The following RPTOR variants were observed in gnomAD, a reference collection of about 807,000 sequenced individuals.
RPTOR encodes the protein regulatory-associated protein of mTOR.
In RPTOR, 21 loss-of-function variants were observed where a neutral mutation model predicts 169.9. The observed-to-expected ratio is 0.12, with a 90% confidence interval of 0.09 to 0.18. The LOEUF is 0.18. RPTOR is among the 10% of genes least tolerant of loss of function. The probability of loss-of-function intolerance (pLI) is 1.00; values close to 1 mark genes in which losing one functional copy is unlikely to be tolerated. For synonymous variants in RPTOR, 732 were observed against 753.2 expected (o/e 0.97, Z 0.46); for missense variants, 1,133 against 1,855.9 (o/e 0.61, Z 7.16).
chr17:80,923,602 G>A lies in RPTOR; in HGVS notation c.2737G>A (p.Gly913Arg), dbSNP rs764655156. 1.9e-6 allele frequency: 3 copies of A among 1,613,234 alleles called. No homozygotes were observed. The highest frequency in any genetic ancestry group is 2.5e-6 in the Non-Finnish European group (3 of 1,179,922). ...CCGGCCGGGCACCACAGGCCCCGCTGGGGCGCAGTACACCCCTCACTCCCA... is the reference window on the plus strand; with the variant it reads ...CCGGCCGGGCACCACAGGCCCCGCTAGGGCGCAGTACACCCCTCACTCCCA... ...SGRPGTTGPA[G>R]AQYTPHSHQF... Residue 913 changes from glycine to arginine, a missense_variant, in exon 23 of 34, where the codon GGG becomes AGG. By Grantham distance (125) the Gly-to-Arg change is moderately radical. Transcript: ENST00000306801.
chr17:80,902,478 G>C (rs559870891), intron 20 of RPTOR, among the ~76,000 whole-genome samples: 1 of 152,342 alleles, frequency 6.6e-6, no homozygotes, highest in African/African-American at 2.4e-5. Context: ...GCCTGACCCA[G>C]TACATCAAAG....
Position 80,888,777 on chromosome 17 carries a change from G to A in RPTOR, c.1984-2943G>A, listed in dbSNP as rs116054511. The stretch of plus-strand genomic sequence containing the variant: ...GGCCGGCTGGGGCCTCAGTGACCCC[G>A]CAGGGCACTAACCCTGCCTCTTCTC... On this transcript the variant is annotated intron_variant, in intron 17 of 33. Transcript: ENST00000306801. Among the ~76,000 whole-genome samples, 981 of 152,306 alleles carry A rather than the reference G, an allele frequency of 6.4e-3. 10 individuals carry two copies. Among genetic ancestry groups the A allele is most frequent in the African/African-American group, 0.022 (898 of 41,564 alleles).
intron 5 of RPTOR, among the ~76,000 whole-genome samples, chr17:80,738,530 C>CAGAGAACT (rs71163995): frequency 6.6e-6 from 1 of 151,668 alleles, no homozygotes; most frequent in Admixed American, 6.6e-5. Flanking sequence ...TTCACAGACA[C>CAGAGAACT]GTGTCATTAG....
intron 1 of RPTOR, among the ~76,000 whole-genome samples, chr17:80,564,378 C>T (rs1301170207): frequency 6.6e-6 from 1 of 152,124 alleles, no homozygotes; most frequent in East Asian, 1.9e-4. Flanking sequence ...TAATATGTCT[C>T]TGGTGTTGAT....
intron 20 of RPTOR, among the ~76,000 whole-genome samples, chr17:80,894,371 G>A (rs2068372313): frequency 6.6e-6 from 1 of 152,172 alleles, no homozygotes; most frequent in African/African-American, 2.4e-5. Flanking sequence ...CCTGCGGTCG[G>A]GCTGGGGGCT....
intron 19 of RPTOR, among the ~76,000 whole-genome samples, chr17:80,893,226 G>T (rs1379451885): frequency 6.6e-6 from 1 of 152,122 alleles, no homozygotes; most frequent in African/African-American, 2.4e-5. Flanking sequence ...GCCTGTGCCT[G>T]TGTGTGCGCC....
intron 1 of RPTOR, chr17:80,593,577 G>A (rs929418038): frequency 1.3e-5 from 2 of 154,328 alleles, no homozygotes; most frequent in East Asian, 1.9e-4. Context: ...AAAAGACTAC[G>A]TATACATGTG....
Position 80,545,804 on chromosome 17 carries a change from T to A in RPTOR, c.162+13T>A. 3 of 1,588,164 alleles carry A rather than the reference T, an allele frequency of 1.9e-6. No homozygotes were observed. Among genetic ancestry groups the A allele is most frequent in the Non-Finnish European group, 2.6e-6 (3 of 1,166,472 alleles). On this transcript the variant is annotated intron_variant, in intron 1 of 33. Coordinates refer to ENST00000306801, the MANE Select transcript of RPTOR (RefSeq NM_020761.3). ...GATGAAGGATCGGGTAAGTGGATTC[T>A]GAAGGCACCCCTTGAACTTGGTAGT...
rs1201259137 is a variant in RPTOR at position 80,708,195 on chromosome 17, C to A, written c.507+196C>A. ...GGCTGTTTCTGTGGCAGAACGTGTT[C>A]ATGGAATGACTGCCTTGAAGTGTGG... On this transcript the variant is annotated intron_variant, in intron 4 of 33. Transcript: ENST00000306801. The surrounding 1 kb of genome is among the most constrained non-coding windows in gnomAD (Gnocchi z 4.2). Among the ~76,000 whole-genome samples the A allele has an allele frequency of 1.3e-5, 2 of 152,226 alleles. No homozygotes were observed. The highest frequency in any genetic ancestry group is 4.1e-4 in the South Asian group (2 of 4,824).
At chr17:80,750,217 C>T (rs2066617710) in intron 5 of RPTOR, among the ~76,000 whole-genome samples, 2 of 152,208 alleles carry the variant, frequency 1.3e-5, no homozygotes, top group Non-Finnish European at 2.9e-5. Flanking sequence ...CTGCTATATA[C>T]ATGTCCTTTT....
chr17:80,868,873 G>A (rs2068021408), intron 13 of RPTOR, among the ~76,000 whole-genome samples: 1 of 152,134 alleles, frequency 6.6e-6, no homozygotes, highest in African/African-American at 2.4e-5. Context: ...GCTGTATGGT[G>A]CCATTCATTT....
In RPTOR at chr17:80,947,120, G is replaced by T; in HGVS notation, c.3141-107G>T. On this transcript the variant is annotated intron_variant, in intron 26 of 33. Coordinates refer to ENST00000306801, the MANE Select transcript of RPTOR (RefSeq NM_020761.3). This position sits in a 1 kb window ranked among gnomAD's most constrained non-coding sequence, Gnocchi z 4.4. ...GTGTGAGCCGCCGTGCCCGGCTGTG[G>T]TGTGTGGTTTTTTGATAGCAGCCCG... The T allele has an allele frequency of 8.8e-7, 1 of 1,131,452 alleles. No individual in the cohort carries two copies. The highest frequency in any genetic ancestry group is 1.2e-6 in the Non-Finnish European group (1 of 828,456). The allele number at this position is 1,131,452 out of a possible 1,614,324, so 70.1% of individuals were successfully genotyped here. A position where few individuals can be genotyped will look rare whatever the true frequency, so the allele number is the denominator to read the frequency against.
At chr17:80,713,457 A>G (rs1472530485) in intron 4 of RPTOR, among the ~76,000 whole-genome samples, 3 of 152,208 alleles carry the variant, frequency 2.0e-5, no homozygotes, top group Non-Finnish European at 2.9e-5. Flanking sequence ...AGTTTGGACC[A>G]GTGATCCTCC....
In RPTOR at chr17:80,960,449, C is replaced by T. The variant is rs1264781824; in HGVS notation, c.3605+244C>T. ...CCACCCCACAGCCTATGGAGGAGCA[C>T]AGGGGACAGGCCATGTGGGATGAGC... On this transcript the variant is annotated intron_variant, in intron 30 of 33. Transcript: ENST00000306801. This position sits in a 1 kb window ranked among gnomAD's most constrained non-coding sequence, Gnocchi z 4.8. Among the ~76,000 whole-genome samples, 1 of 152,242 alleles carries T rather than the reference C, an allele frequency of 6.6e-6. No homozygotes were observed. Among genetic ancestry groups the T allele is most frequent in the Non-Finnish European group, 1.5e-5 (1 of 68,040 alleles).
intron 1 of RPTOR, among the ~76,000 whole-genome samples, chr17:80,587,443 C>G (rs1458349205): frequency 6.6e-6 from 1 of 152,150 alleles, no homozygotes; most frequent in Non-Finnish European, 1.5e-5. Context: ...ATGAATAGTG[C>G]TGCTATAAGT....
chr17:80,783,634 G>T (rs1460179767), intron 6 of RPTOR, among the ~76,000 whole-genome samples: 1 of 152,208 alleles, frequency 6.6e-6, no homozygotes, highest in Non-Finnish European at 1.5e-5. Flanking sequence ...GCGCCTAAGG[G>T]GCTCCTCCGA....
chr17:80,609,046 A>G lies in RPTOR; in HGVS notation c.163-16645A>G, dbSNP rs989115323. ...GAGGCACTAGGCCAGGAGAGGAGAG[A>G]GTTGGGAGGAGGAAGTGGCCATGCT... On this transcript the variant is annotated intron_variant, in intron 1 of 33. Transcript: ENST00000306801. This position sits in a 1 kb window ranked among gnomAD's most constrained non-coding sequence, Gnocchi z 4.8. 6.6e-6 allele frequency among the ~76,000 whole-genome samples: 1 copy of G among 152,074 alleles called. No homozygotes were observed. Among genetic ancestry groups the G allele is most frequent in the Non-Finnish European group, 1.5e-5 (1 of 67,994 alleles).
chr17:80,591,000 G>A (rs1348544069), intron 1 of RPTOR, among the ~76,000 whole-genome samples: 1 of 151,794 alleles, frequency 6.6e-6, no homozygotes, highest in Admixed American at 6.6e-5. Context: ...AGTCAGTTTT[G>A]GTGAGTTGTG....
chr17:80,918,515 ACCCTCGCGGGGGTCATAGCCATG>A (rs2068706046), intron 21 of RPTOR, among the ~76,000 whole-genome samples: 3 of 71,182 alleles, frequency 4.2e-5, no homozygotes, highest in African/African-American at 9.1e-5. Flanking sequence ...AGCCATGAGC[ACCCTCGCGGGGGTCATAGCCATG>A]AGCACCCTCA....
Sources: gnomAD v4.1 joint callset for allele counts (sites outside exome capture counted in the v4.1 genomes callset) on GRCh38, gnomAD v4.1.1 for gene constraint, Gnocchi (gnomAD v3.1) non-coding constraint, MANE v1.5 for transcripts, NCBI Gene and HGNC (gene_info 2026-07-23, HGNC 2026-07-21) for gene names.